Variants in NRXN1 observed in about 807,000 individuals in gnomAD.
NRXN1 encodes neurexin-1.
Under a neutral mutation model 150.9 loss-of-function variants are expected in NRXN1, and 39 were observed. That is an observed-to-expected ratio of 0.26 (90% CI 0.20 to 0.34). The LOEUF is 0.34. Ranked by LOEUF, NRXN1 falls within the 10% of genes least tolerant of loss-of-function variation. The pLI, the probability that NRXN1 is intolerant of heterozygous loss-of-function variation, is 1.00. For synonymous variants in NRXN1, 924 were observed against 757.0 expected, an observed-to-expected ratio of 1.22 and a Z score of -3.62; for missense variants, 1,815 against 1,949.9, an observed-to-expected ratio of 0.93 and a Z score of 1.30.
At chr2:50,806,065 ATAAT>A (rs1283043718) in intron 5 of NRXN1, among the ~76,000 whole-genome samples, 2 of 152,214 alleles carry the variant, frequency 1.3e-5, no homozygotes, top group African/African-American at 4.8e-5. Flanking sequence ...AAATGAAGGA[ATAAT>A]TTATTGCATT....
At chr2:50,577,709 AACACACACACACACACAC>A (rs145366518) in intron 8 of NRXN1, among the ~76,000 whole-genome samples, 1 of 147,204 alleles carries the variant, frequency 6.8e-6, no homozygotes, top group South Asian at 2.2e-4. Flanking sequence ...ACCTGACTGA[AACACACACACACACACAC>A]ACACACACAC....
chr2:50,705,365 T>G (rs890572801), intron 5 of NRXN1, among the ~76,000 whole-genome samples: 2 of 152,140 alleles, frequency 1.3e-5, no homozygotes, highest in Non-Finnish European at 2.9e-5. Flanking sequence ...ACTGATGGTA[T>G]CAATAATTAT....
At chr2:50,583,342 C>T (rs1672589846) in intron 8 of NRXN1, among the ~76,000 whole-genome samples, 1 of 152,084 alleles carries the variant, frequency 6.6e-6, no homozygotes, top group Admixed American at 6.6e-5. Context: ...ACACCTAGCG[C>T]CTCTACCTTT....
chr2:50,758,442 T>C (rs1381810637), intron 5 of NRXN1, among the ~76,000 whole-genome samples: 5 of 151,904 alleles, frequency 3.3e-5, no homozygotes, highest in African/African-American at 7.2e-5. Context: ...AGGCTGATTA[T>C]ATCTTCCTTC....
At chr2:50,758,677 G>A (rs911670829) in intron 5 of NRXN1, among the ~76,000 whole-genome samples, 24 of 151,856 alleles carry the variant, frequency 1.6e-4, no homozygotes, top group Non-Finnish European at 3.2e-4. Flanking sequence ...TCGACTGGTG[G>A]CTCATTGTTT....
intron 19 of NRXN1, among the ~76,000 whole-genome samples, chr2:50,079,927 C>A (rs1033925464): frequency 3.9e-5 from 6 of 152,032 alleles, no homozygotes; most frequent in Admixed American, 6.6e-5. Flanking sequence ...CGAATGCAGT[C>A]TGAAAATATT....
At chr2:50,164,590 A>T (rs1048570843) in intron 18 of NRXN1, among the ~76,000 whole-genome samples, 2 of 152,174 alleles carry the variant, frequency 1.3e-5, no homozygotes, top group Non-Finnish European at 2.9e-5. Context: ...TTGCTTTGGC[A>T]GCTTGAACAT....
intron 17 of NRXN1, among the ~76,000 whole-genome samples, chr2:50,351,808 G>A (rs564804345): frequency 3.9e-5 from 6 of 152,148 alleles, no homozygotes; most frequent in South Asian, 2.1e-4. Flanking sequence ...GGGTGCTGTC[G>A]TTGAAATACT....
chr2:50,634,938 C>A (rs568584917), intron 5 of NRXN1, among the ~76,000 whole-genome samples: 1 of 152,100 alleles, frequency 6.6e-6, no homozygotes, highest in African/African-American at 2.4e-5. Flanking sequence ...CAGTCAACAA[C>A]ATGAGAGAAA....
chr2:50,904,967 A>G (rs1683458350), intron 5 of NRXN1, among the ~76,000 whole-genome samples: 1 of 151,352 alleles, frequency 6.6e-6, no homozygotes, highest in Non-Finnish European at 1.5e-5. Flanking sequence ...CAATTCAACT[A>G]CTCCAATGTC....
At chr2:50,305,298 A>G (rs2152957955) in intron 17 of NRXN1, among the ~76,000 whole-genome samples, 1 of 152,326 alleles carries the variant, frequency 6.6e-6, no homozygotes, top group African/African-American at 2.4e-5. Flanking sequence ...GGTTTAACCA[A>G]GAAGATAAAG....
At chr2:50,303,229 G>C (rs989663046) in intron 17 of NRXN1, among the ~76,000 whole-genome samples, 1 of 152,126 alleles carries the variant, frequency 6.6e-6, no homozygotes, top group East Asian at 1.9e-4. Context: ...GTAGTCTTTA[G>C]GTTCACTCCA....
chr2:50,121,998 A>G (rs1703924436), intron 18 of NRXN1, among the ~76,000 whole-genome samples: 1 of 152,232 alleles, frequency 6.6e-6, no homozygotes, highest in Admixed American at 6.5e-5. Flanking sequence ...ACAAAAATAT[A>G]TTTCAAGAGA....
chr2:50,201,212 G>A (rs1027405298), intron 18 of NRXN1, among the ~76,000 whole-genome samples: 4 of 152,096 alleles, frequency 2.6e-5, no homozygotes, highest in South Asian at 2.1e-4. Flanking sequence ...ATCTAATGAG[G>A]AGCATAAAAA....
At chr2:50,579,839 T>C (rs556662047) in intron 8 of NRXN1, among the ~76,000 whole-genome samples, 4 of 151,526 alleles carry the variant, frequency 2.6e-5, no homozygotes, top group Non-Finnish European at 4.4e-5. Flanking sequence ...GAAAAAGCAA[T>C]TGAACATCAG....
intron 2 of NRXN1, among the ~76,000 whole-genome samples, chr2:50,942,902 G>A (rs1689700100): frequency 6.6e-6 from 1 of 152,104 alleles, no homozygotes; most frequent in Non-Finnish European, 1.5e-5. Context: ...TAGGCGCCAG[G>A]GATGGAATAA....
At chr2:50,248,716 C>T (rs562836120) in intron 17 of NRXN1, among the ~76,000 whole-genome samples, 3 of 152,160 alleles carry the variant, frequency 2.0e-5, no homozygotes, top group African/African-American at 7.2e-5. Context: ...CATGTAGATA[C>T]ATAGTTTTAA....
chr2:50,247,432 A>G (rs1270078500), intron 17 of NRXN1, among the ~76,000 whole-genome samples: 1 of 152,188 alleles, frequency 6.6e-6, no homozygotes, highest in Non-Finnish European at 1.5e-5. Context: ...CACCTTAACC[A>G]GGTGATCAAA....
At chr2:50,928,333 T>G in intron 2 of NRXN1, among the ~76,000 whole-genome samples, 1 of 152,034 alleles carries the variant, frequency 6.6e-6, no homozygotes, top group East Asian at 1.9e-4. Context: ...AGTTTCCATA[T>G]ACTTTCAGAT....
Sources: allele counts gnomAD v4.1 joint callset (sites outside exome capture counted in the v4.1 genomes callset), GRCh38; gene constraint gnomAD v4.1.1; transcripts MANE v1.5; gene names NCBI Gene and HGNC (gene_info 2026-07-23, HGNC 2026-07-21).